The following MATCAP2 variants were observed in gnomAD, a reference collection of about 807,000 sequenced individuals.
MATCAP2 encodes the protein putative tyrosine carboxypeptidase MATCAP2.
chr7:36,341,220 A>G, the MATCAP2 span, among the ~76,000 whole-genome samples: 1 of 152,200 alleles, frequency 6.6e-6, no homozygotes, highest in Non-Finnish European at 1.5e-5. Flanking sequence ...ACACTTTTAG[A>G]GGCAATAAAT....
At chr7:36,371,453 ATTC>A in the MATCAP2 span, among the ~76,000 whole-genome samples, 2 of 152,184 alleles carry the variant, frequency 1.3e-5, no homozygotes, top group African/African-American at 4.8e-5. Context: ...TAATCTCTAT[ATTC>A]TTCTTACATA....
At chr7:36,376,244 C>T in the MATCAP2 span, among the ~76,000 whole-genome samples, 2 of 152,156 alleles carry the variant, frequency 1.3e-5, no homozygotes, top group African/African-American at 4.8e-5. Flanking sequence ...ATAAATTTCC[C>T]TCTACACACT....
At chr7:36,347,221 GT>G in the MATCAP2 span, among the ~76,000 whole-genome samples, 1 of 152,176 alleles carries the variant, frequency 6.6e-6, no homozygotes, top group African/African-American at 2.4e-5. Flanking sequence ...AGAAAAAAAA[GT>G]TTTCTATATA....
chr7:36,375,339 G>A, the MATCAP2 span, among the ~76,000 whole-genome samples: 1 of 152,106 alleles, frequency 6.6e-6, no homozygotes, highest in African/African-American at 2.4e-5. Context: ...TGCATCTATT[G>A]AGATAATCAT....
At chr7:36,333,386 T>C in the MATCAP2 span, among the ~76,000 whole-genome samples, 1 of 152,296 alleles carries the variant, frequency 6.6e-6, no homozygotes, top group South Asian at 2.1e-4. Context: ...GAATGAATGC[T>C]AATGGGTATG....
the MATCAP2 span, chr7:36,366,849 A>C: frequency 6.6e-7 from 1 of 1,504,824 alleles, no homozygotes; most frequent in East Asian, 2.6e-5. Flanking sequence ...CCATTACCTG[A>C]GCCCCGGGCG....
chr7:36,356,729 T>C, the MATCAP2 span: 16 of 634,922 alleles, frequency 2.5e-5, no homozygotes, highest in Middle Eastern at 3.7e-4. Context: ...TGCAATGGAG[T>C]TTATATACAG....
chr7:36,344,135 G>C, the MATCAP2 span, among the ~76,000 whole-genome samples: 5 of 152,272 alleles, frequency 3.3e-5, no homozygotes, highest in East Asian at 9.6e-4. Flanking sequence ...AACCTGCACT[G>C]AAAAAGAAAC....
chr7:36,381,647 G>A, the MATCAP2 span, among the ~76,000 whole-genome samples: 3 of 149,866 alleles, frequency 2.0e-5, no homozygotes, highest in Non-Finnish European at 4.4e-5. Context: ...CTCCAGTCTA[G>A]GTGACAGAGT....
the MATCAP2 span, chr7:36,325,654 A>G: frequency 2.0e-5 from 3 of 152,212 alleles, no homozygotes; most frequent in South Asian, 6.2e-4. Flanking sequence ...GAATCCAGGT[A>G]TATATATACA....
chr7:36,331,022 CTG>C, the MATCAP2 span: 2 of 1,613,732 alleles, frequency 1.2e-6, no homozygotes, highest in Non-Finnish European at 1.7e-6. Context: ...TATGGTATCT[CTG>C]TATCGGAGGA....
chr7:36,350,221 A>C, the MATCAP2 span, among the ~76,000 whole-genome samples: 1 of 152,204 alleles, frequency 6.6e-6, no homozygotes, highest in African/African-American at 2.4e-5. Context: ...TTTCCAATTA[A>C]ATTTTTTTCT....
chr7:36,374,092 GT>G, the MATCAP2 span, among the ~76,000 whole-genome samples: 1 of 151,806 alleles, frequency 6.6e-6, no homozygotes, highest in Non-Finnish European at 1.5e-5. Context: ...ATATATATAT[GT>G]TTTTGAGACA....
the MATCAP2 span, among the ~76,000 whole-genome samples, chr7:36,337,098 C>CAAAAAAAAAAAAAA: frequency 9.8e-3 from 181 of 18,526 alleles, 56 homozygotes; most frequent in African/African-American, 0.015. Flanking sequence ...AACTCCATCT[C>CAAAAAAAAAAAAAA]AAAAAAAAAA....
the MATCAP2 span, among the ~76,000 whole-genome samples, chr7:36,353,559 T>G: frequency 6.6e-6 from 1 of 150,564 alleles, no homozygotes; most frequent in African/African-American, 2.4e-5. Flanking sequence ...CAGCTCACTG[T>G]AACCTCCACC....
the MATCAP2 span, among the ~76,000 whole-genome samples, chr7:36,350,655 T>G: frequency 6.6e-6 from 1 of 151,464 alleles, no homozygotes; most frequent in Non-Finnish European, 1.5e-5. Context: ...TCAATCCTCA[T>G]CTCAGCCTCC....
chr7:36,389,632 G>A, the MATCAP2 span, among the ~76,000 whole-genome samples: 1 of 152,174 alleles, frequency 6.6e-6, no homozygotes, highest in Admixed American at 6.5e-5. Context: ...TGGGGGTGGA[G>A]CCAGGAACCC....
the MATCAP2 span, among the ~76,000 whole-genome samples, chr7:36,352,352 G>A: frequency 7.2e-6 from 1 of 139,854 alleles, no homozygotes; most frequent in Non-Finnish European, 1.5e-5. Context: ...AGCTGAAATT[G>A]CACCACTGTA....
the MATCAP2 span, among the ~76,000 whole-genome samples, chr7:36,367,623 T>A: frequency 6.6e-6 from 1 of 152,240 alleles, no homozygotes; most frequent in Admixed American, 6.5e-5. Flanking sequence ...GGAGGCTCAA[T>A]GACCACTTGA....
Sources: allele counts gnomAD v4.1 joint callset (sites outside exome capture counted in the v4.1 genomes callset), GRCh38; gene constraint gnomAD v4.1.1; transcripts MANE v1.5; gene names NCBI Gene and HGNC (gene_info 2026-07-23, HGNC 2026-07-21).